Variants in SLC2A13 observed in about 807,000 individuals in gnomAD.
The protein encoded by SLC2A13 is proton myo-inositol cotransporter.
A neutral mutation model predicts 64.4 loss-of-function variants in SLC2A13; 32 were observed. The ratio of observed to expected loss-of-function variants is 0.50; its 90% CI spans 0.37 to 0.67. SLC2A13 has a LOEUF of 0.67. Among genes scored for constraint, SLC2A13 ranks in the 30% least tolerant of loss-of-function variants. The pLI is 0.00. For missense variants in SLC2A13, 743 were observed against 829.2 expected (o/e 0.90, Z 1.28); for synonymous variants, 338 against 327.1 (o/e 1.03, Z -0.36).
rs369894329 is a variant in SLC2A13 at position 39,877,795 on chromosome 12, C to A, written c.1035-5834G>T. ...TTATGCAGTAGTTTGAATTTCTTCT[C>A]AAAAAATACATCATATTTTCCATCT... On this transcript the variant is annotated intron_variant, in intron 4 of 9. Transcript: ENST00000280871. Among the ~76,000 whole-genome samples, 6 of 152,112 alleles carry A rather than the reference C, an allele frequency of 3.9e-5. No homozygotes were observed. In the East Asian group the frequency reaches 7.7e-4, roughly 20 times the overall value.
At chr12:40,087,826 T>G (rs1272530969) in intron 1 of SLC2A13, among the ~76,000 whole-genome samples, 3 of 152,194 alleles carry the variant, frequency 2.0e-5, no homozygotes, top group Non-Finnish European at 4.4e-5. Flanking sequence ...TTGTACAAAT[T>G]CATAAAACTC....
intron 4 of SLC2A13, among the ~76,000 whole-genome samples, chr12:39,914,142 C>T (rs1945480151): frequency 6.6e-6 from 1 of 151,930 alleles, no homozygotes; most frequent in African/African-American, 2.4e-5. Flanking sequence ...CACTGAAGAG[C>T]TGAATGACAG....
chr12:39,778,317 T>C (rs960580387), intron 7 of SLC2A13, among the ~76,000 whole-genome samples: 4 of 152,208 alleles, frequency 2.6e-5, no homozygotes, highest in Admixed American at 1.3e-4. Context: ...ACCCTGCCCA[T>C]GTGCCACCTA....
chr12:39,860,478 A>ATTC (rs1249711649), intron 6 of SLC2A13, among the ~76,000 whole-genome samples: 2 of 152,194 alleles, frequency 1.3e-5, no homozygotes, highest in African/African-American at 4.8e-5. Context: ...ATGGATAATA[A>ATTC]TTCTTCATTC....
intron 1 of SLC2A13, 122 bp from the exon 2 acceptor site, chr12:40,048,332 G>A: frequency 1.1e-6 from 1 of 876,312 alleles, no homozygotes; most frequent in South Asian, 2.7e-5. Flanking sequence ...TTTAAGCAAA[G>A]GTTTACCACA....
At chr12:39,766,691 C>T (rs1410439151) in intron 7 of SLC2A13, among the ~76,000 whole-genome samples, 3 of 152,070 alleles carry the variant, frequency 2.0e-5, no homozygotes, top group Non-Finnish European at 2.9e-5. Flanking sequence ...CAACTAAGTT[C>T]GTGTGATACT....
intron 1 of SLC2A13, among the ~76,000 whole-genome samples, chr12:40,060,886 G>A (rs923202112): frequency 1.1e-4 from 16 of 152,108 alleles, no homozygotes; most frequent in African/African-American, 3.6e-4. Context: ...TTATCTTGTG[G>A]TGCATAAATG....
intron 3 of SLC2A13, among the ~76,000 whole-genome samples, chr12:39,973,126 TCTC>T (rs1039295327): frequency 2.6e-5 from 4 of 152,220 alleles, no homozygotes; most frequent in South Asian, 2.1e-4. Context: ...GCCTCTACTG[TCTC>T]CTCAACTCCA....
chr12:39,838,414 C>G (rs1043418714), intron 6 of SLC2A13, among the ~76,000 whole-genome samples: 114 of 145,652 alleles, frequency 7.8e-4, no homozygotes, highest in Non-Finnish European at 1.3e-3. Flanking sequence ...GTGGGTGCAG[C>G]GCACCAGCAT....
chr12:39,774,343 A>AAGTT (rs1280810199), intron 7 of SLC2A13, among the ~76,000 whole-genome samples: 3 of 152,212 alleles, frequency 2.0e-5, no homozygotes, highest in Admixed American at 2.0e-4. Flanking sequence ...CAACCATGAA[A>AAGTT]AGTTACTGTT....
chr12:39,927,654 C>T (rs938183992), intron 4 of SLC2A13, among the ~76,000 whole-genome samples: 12 of 152,068 alleles, frequency 7.9e-5, no homozygotes, highest in Admixed American at 7.9e-4. Flanking sequence ...TTTTCAAAAC[C>T]AAGAAGTTTT....
At chr12:39,827,449 C>T (rs1425955690) in intron 7 of SLC2A13, among the ~76,000 whole-genome samples, 2 of 152,158 alleles carry the variant, frequency 1.3e-5, no homozygotes, top group East Asian at 3.9e-4. Context: ...GCTTATCTCA[C>T]TCAGCATTAA....
At chr12:40,103,179 A>C (rs1939201146) in intron 1 of SLC2A13, among the ~76,000 whole-genome samples, 1 of 152,194 alleles carries the variant, frequency 6.6e-6, no homozygotes, top group African/African-American at 2.4e-5. Context: ...AACACTTCCA[A>C]TCTGATCTCC....
At chr12:39,880,404 A>G (rs1944311144) in intron 4 of SLC2A13, among the ~76,000 whole-genome samples, 1 of 152,200 alleles carries the variant, frequency 6.6e-6, no homozygotes, top group South Asian at 2.1e-4. Flanking sequence ...ACACTGAGAA[A>G]TCCTCTTTGT....
At chr12:39,987,551 T>C (rs1444920038) in intron 3 of SLC2A13, among the ~76,000 whole-genome samples, 2 of 152,206 alleles carry the variant, frequency 1.3e-5, no homozygotes, top group Non-Finnish European at 1.5e-5. Context: ...CTTTGAGATA[T>C]TCAAACAGCT....
chr12:39,873,395 A>G lies in SLC2A13; in HGVS notation c.1035-1434T>C, dbSNP rs75574145. Among the ~76,000 whole-genome samples the G allele has an allele frequency of 6.0e-3, 914 of 152,312 alleles. 16 individuals carry two copies. The highest frequency in any genetic ancestry group is 0.021 in the African/African-American group (860 of 41,552). On this transcript the variant is annotated intron_variant, in intron 4 of 9. Coordinates refer to ENST00000280871, the MANE Select transcript of SLC2A13 (RefSeq NM_052885.4). ...ATTTGTGCAGTGTTTTATAGTTTCCAAGTTCTACCATATACATTTTCATAA... is the reference window on the plus strand; with the variant it reads ...ATTTGTGCAGTGTTTTATAGTTTCCGAGTTCTACCATATACATTTTCATAA...
intron 3 of SLC2A13, among the ~76,000 whole-genome samples, chr12:39,979,435 T>C (rs9755150): frequency 0.35 from 44,947 of 128,170 alleles, 8,167 homozygotes; most frequent in Non-Finnish European, 0.43. Context: ...AAAAAATTTA[T>C]AAGAATGTAT....
At chr12:40,041,410 C>T (rs1948087646) in intron 2 of SLC2A13, among the ~76,000 whole-genome samples, 1 of 152,138 alleles carries the variant, frequency 6.6e-6, no homozygotes. Context: ...TTTCCCTCTC[C>T]CTCACTGTAC....
At chr12:39,841,481 A>G (rs978358896) in intron 6 of SLC2A13, among the ~76,000 whole-genome samples, 2 of 152,110 alleles carry the variant, frequency 1.3e-5, no homozygotes, top group African/African-American at 4.8e-5. Flanking sequence ...ACACTGAATG[A>G]ATGTTTGATC....
Sources: allele counts gnomAD v4.1 joint callset (sites outside exome capture counted in the v4.1 genomes callset), GRCh38; gene constraint gnomAD v4.1.1; transcripts MANE v1.5; gene names NCBI Gene and HGNC (gene_info 2026-07-23, HGNC 2026-07-21).